SCN9A: variants seen among roughly 807,000 people sequenced by gnomAD.
SCN9A encodes the protein sodium channel protein type 9 subunit alpha.
In SCN9A, 131 loss-of-function variants were observed where a neutral mutation model predicts 187.0. The observed-to-expected ratio is 0.70, with a 90% CI of 0.61 to 0.81. SCN9A has a LOEUF of 0.81. SCN9A is among the 30% of genes least tolerant of loss of function. SCN9A has a pLI of 0.00. For synonymous variants in SCN9A, 809 were observed against 808.6 expected (o/e 1.00, Z -0.01); for missense variants, 2,252 against 2,396.6 (o/e 0.94, Z 1.26).
chr2:166,323,294 G>C (rs377116511), intron 1 of SCN9A, among the ~76,000 whole-genome samples: 2 of 152,092 alleles, frequency 1.3e-5, no homozygotes, highest in East Asian at 3.9e-4. Context: ...TCTCTCCAGA[G>C]TTTTAGAGAC....
intron 13 of SCN9A, 103 bp downstream of exon 13, chr2:166,281,576 T>C (rs1263397280): frequency 8.5e-6 from 9 of 1,052,722 alleles, no homozygotes; most frequent in Admixed American, 2.2e-5. Flanking sequence ...CATTTTATGG[T>C]CTCTGAATTC....
Position 166,284,767 on chromosome 2 carries a change from G to C in SCN9A, c.1660C>G (p.Leu554Val). The part of the protein sequence containing the change: ...FSARRSSRTS[L>V]FSFKGRGRDI... Reference sequence around the variant, plus strand: ...CTTCCTCTGCCTTTGAAACTAAAAAGACTTGTTCTGCTGCTTCGCCTTGCA... The same window carrying C: ...CTTCCTCTGCCTTTGAAACTAAAAACACTTGTTCTGCTGCTTCGCCTTGCA... Residue 554 changes from leucine (L) to valine (V), a missense_variant, in exon 12 of 27, where the codon CTT becomes GTT. Transcript: ENST00000642356. 2 of 1,613,612 alleles carry C rather than the reference G, an allele frequency of 1.2e-6. No individual in the cohort carries two copies. Among genetic ancestry groups the C allele is most frequent in the Non-Finnish European group, 1.7e-6 (2 of 1,179,850 alleles).
At chr2:166,268,180 T>C (rs1696822597) in intron 17 of SCN9A, among the ~76,000 whole-genome samples, 2 of 152,004 alleles carry the variant, frequency 1.3e-5, no homozygotes, top group Admixed American at 1.3e-4. Flanking sequence ...TTACAATCTA[T>C]TTTACACATA....
chr2:166,252,496 C>A (rs945322805), intron 17 of SCN9A, among the ~76,000 whole-genome samples: 16 of 151,778 alleles, frequency 1.1e-4, no homozygotes, highest in Admixed American at 1.1e-3. Flanking sequence ...GTTTTGAAAT[C>A]AAAATGCCAA....
intron 17 of SCN9A, among the ~76,000 whole-genome samples, chr2:166,266,690 A>G (rs1002069839): frequency 5.3e-5 from 8 of 151,676 alleles, no homozygotes; most frequent in Admixed American, 1.3e-4. Context: ...ATTCTAATCC[A>G]TGAACATGGA....
intron 20 of SCN9A, 116 bp from the exon 21 acceptor site, chr2:166,233,578 C>T (rs191971284): frequency 3.9e-5 from 28 of 710,900 alleles, no homozygotes; most frequent in Admixed American, 2.8e-4. Context: ...ATGGTATATA[C>T]GGAGTTGTGT....
At chr2:166,342,168 A>G (rs1323705845) in intron 1 of SCN9A, among the ~76,000 whole-genome samples, 1 of 152,214 alleles carries the variant, frequency 6.6e-6, no homozygotes, top group Non-Finnish European at 1.5e-5. Context: ...ACACATCAGC[A>G]CGTATGTATA....
At chr2:166,366,855 A>G (rs1444164991) in intron 1 of SCN9A, among the ~76,000 whole-genome samples, 1 of 152,230 alleles carries the variant, frequency 6.6e-6, no homozygotes, top group Non-Finnish European at 1.5e-5. Context: ...AGTGGATAAT[A>G]GATATTTAAA....
intron 1 of SCN9A, among the ~76,000 whole-genome samples, chr2:166,320,282 A>C (rs184777485): frequency 2.6e-5 from 4 of 152,214 alleles, no homozygotes; most frequent in Admixed American, 2.6e-4. Flanking sequence ...AAAAGCTGTA[A>C]AATAAAAGAA....
chr2:166,286,417 G>T lies in SCN9A; in HGVS notation c.1521C>A (p.Asp507Glu). 6.2e-7 allele frequency: 1 copy of T among 1,613,848 alleles called. No homozygotes were observed. ...GGTGGAAACTTTTTCTTCTGATGCT[G>T]TCCTCTGATTCTGATTTCGACAATT... Reference protein sequence around the residue: ...AEKLSKSESEDSIRRKSFHLG... With the variant: ...AEKLSKSESEESIRRKSFHLG... The change falls in exon 11 of 27, where the codon GAC becomes GAA. Residue 507 changes from aspartate to glutamate, a missense_variant. By Grantham distance (45) the Asp-to-Glu change is conservative. Around this residue, in one of 7 missense-constraint regions of SCN9A, gnomAD observed 1,013 missense variants for 997.4 expected, o/e 1.02. Transcript: ENST00000642356.
intron 24 of SCN9A, among the ~76,000 whole-genome samples, chr2:166,220,841 A>C (rs368206626): frequency 6.6e-6 from 1 of 151,836 alleles, no homozygotes; most frequent in South Asian, 2.1e-4. Flanking sequence ...AAAAACAAGT[A>C]AAAGACATCC....
At chr2:166,213,043 C>A (rs1477234961) in intron 24 of SCN9A, among the ~76,000 whole-genome samples, 6 of 151,840 alleles carry the variant, frequency 4.0e-5, no homozygotes, top group Non-Finnish European at 7.4e-5. Context: ...AGAAATATCT[C>A]ATATAAACAA....
intron 13 of SCN9A, 51 bp from the exon 14 acceptor site, chr2:166,280,646 C>G (rs1456145267): frequency 5.5e-5 from 58 of 1,049,430 alleles, no homozygotes; most frequent in Non-Finnish European, 8.0e-5. Context: ...CTGTTTCACT[C>G]CTAACCAGAT....
intron 19 of SCN9A, among the ~76,000 whole-genome samples, chr2:166,241,281 T>C (rs1212128310): frequency 1.3e-5 from 2 of 152,078 alleles, no homozygotes; most frequent in Non-Finnish European, 2.9e-5. Flanking sequence ...CTCATCTCTG[T>C]CAGCGTCAGC....
intron 1 of SCN9A, among the ~76,000 whole-genome samples, chr2:166,335,212 A>G (rs1367738556): frequency 6.6e-6 from 1 of 152,142 alleles, no homozygotes; most frequent in East Asian, 1.9e-4. Context: ...GAATTTGATA[A>G]TCTCACAGCT....
chr2:166,312,696 G>A (rs151008517), intron 1 of SCN9A, among the ~76,000 whole-genome samples: 4 of 152,090 alleles, frequency 2.6e-5, no homozygotes, highest in African/African-American at 9.7e-5. Context: ...TTGGCCCATA[G>A]GCTACAGAAT....
chr2:166,306,148 A>G (rs1055674273), intron 4 of SCN9A, among the ~76,000 whole-genome samples: 11 of 152,126 alleles, frequency 7.2e-5, no homozygotes, highest in African/African-American at 2.4e-4. Context: ...AACTAAGAAT[A>G]TAGGTCTCAG....
rs756476488 is a variant in SCN9A at position 166,284,466 on chromosome 2, G to T, written c.1961C>A (p.Thr654Asn). Residue 654 changes from threonine to asparagine, a missense_variant, in exon 12 of 27, where the codon ACT becomes AAT. This residue lies in a region of SCN9A where 1,013 missense variants were observed against 997.4 expected (regional missense o/e 1.02). Transcript: ENST00000642356. ...LLPEVIIDKA[T>N]SDDSGTTNQI... ...AAACGTCCTTACGCTGTCATCAGAA[G>T]TTGCCTTATCTATTATCACCTCTGG... 1.9e-5 allele frequency: 30 copies of T among 1,612,702 alleles called. No individual in the cohort carries two copies. Among genetic ancestry groups the T allele is most frequent in the Non-Finnish European group, 2.1e-5 (25 of 1,179,480 alleles).
chr2:166,231,400 G>T (rs995096474), intron 21 of SCN9A, among the ~76,000 whole-genome samples: 1 of 152,076 alleles, frequency 6.6e-6, no homozygotes, highest in African/African-American at 2.4e-5. Flanking sequence ...AGAGATTGCA[G>T]TCATAATTAG....
Sources: allele counts gnomAD v4.1 joint callset (sites outside exome capture counted in the v4.1 genomes callset), GRCh38; gene constraint gnomAD v4.1.1; regional missense constraint gnomAD v4.1.1; transcripts MANE v1.5; gene names NCBI Gene and HGNC (gene_info 2026-07-23, HGNC 2026-07-21).